The following FSD1L variants were observed in gnomAD, a reference collection of about 807,000 sequenced individuals.
FSD1L encodes the protein FSD1-like protein.
A neutral mutation model predicts 71.6 loss-of-function variants in FSD1L; 45 were observed. The observed-to-expected ratio is 0.63, with a 90% CI of 0.49 to 0.81. FSD1L has a LOEUF of 0.81. FSD1L is among the 30% of genes least tolerant of loss of function. The pLI, the probability that FSD1L is intolerant of heterozygous loss-of-function variation, is 0.00. For missense variants in FSD1L, 561 were observed against 618.1 expected (o/e 0.91, Z 0.98); for synonymous variants, 197 against 207.2 (o/e 0.95, Z 0.42).
intron 10 of FSD1L, chr9:105,523,068 G>A: frequency 6.2e-7 from 1 of 1,614,194 alleles, no homozygotes. Flanking sequence ...TACGTCCTCT[G>A]CTGATGTGGA....
chr9:105,452,628 CGCCTGCCTGCCTGCCTGCCT>C lies in FSD1L; in HGVS notation c.15+4418_15+4437del, dbSNP rs530990124. 1.7e-3 allele frequency among the ~76,000 whole-genome samples: 216 copies of C among 124,456 alleles called. 1 individual carries two copies. Among genetic ancestry groups the C allele is most frequent in the Non-Finnish European group, 2.5e-3 (148 of 60,264 alleles). The allele number at this position is 124,456 out of a possible 152,430, so 81.6% of individuals were successfully genotyped here. The stretch of plus-strand genomic sequence containing the variant: ...TCCCTCCCTCCTGTGGGCGCTCGCT[CGCCTGCCTGCCTGCCTGCCT>C]GCCTGCCTGCCTGCCTGCCTGCCTT... On this transcript the variant is annotated intron_variant, in intron 1 of 13. Transcript: ENST00000481272.
chr9:105,484,133 C>G (rs901806783), intron 6 of FSD1L, among the ~76,000 whole-genome samples: 3 of 152,104 alleles, frequency 2.0e-5, no homozygotes, highest in Middle Eastern at 3.4e-3. Flanking sequence ...CATATATATG[C>G]AATTTAATAA....
At chr9:105,543,076 G>T (rs1836732648) in intron 13 of FSD1L, among the ~76,000 whole-genome samples, 1 of 152,076 alleles carries the variant, frequency 6.6e-6, no homozygotes, top group Non-Finnish European at 1.5e-5. Flanking sequence ...TAATCAGAAA[G>T]TTGCTTTTGT....
chr9:105,495,548 C>G (rs1004134517), intron 7 of FSD1L, among the ~76,000 whole-genome samples: 10 of 152,206 alleles, frequency 6.6e-5, no homozygotes, highest in Non-Finnish European at 1.2e-4. Context: ...GTGAGATGAA[C>G]CCGGTACCTC....
intron 1 of FSD1L, among the ~76,000 whole-genome samples, chr9:105,458,226 G>A (rs1166672526): frequency 2.6e-5 from 4 of 152,188 alleles, no homozygotes; most frequent in Admixed American, 1.3e-4. Flanking sequence ...AGGGAATCCC[G>A]AGGTCTAGGC....
intron 7 of FSD1L, among the ~76,000 whole-genome samples, chr9:105,490,587 A>G (rs926260132): frequency 6.2e-5 from 9 of 146,232 alleles, no homozygotes; most frequent in African/African-American, 2.0e-4. Flanking sequence ...GCCCATGCCT[A>G]TGTCCTGAAT....
At chr9:105,494,609 G>GT (rs1443948743) in intron 7 of FSD1L, among the ~76,000 whole-genome samples, 3 of 152,122 alleles carry the variant, frequency 2.0e-5, no homozygotes, top group Admixed American at 6.6e-5. Flanking sequence ...TTTCTGTTCT[G>GT]TTTTTTCCCC....
At chr9:105,444,163 C>G (rs188992243), upstream of FSD1L, among the ~76,000 whole-genome samples, 3 of 152,230 alleles carry the variant, frequency 2.0e-5, no homozygotes, top group African/African-American at 7.2e-5. Context: ...GGAAAAAGAG[C>G]TGTGCAAGGG....
At chr9:105,492,881 C>T (rs373191942) in intron 7 of FSD1L, among the ~76,000 whole-genome samples, 2 of 152,088 alleles carry the variant, frequency 1.3e-5, no homozygotes, top group South Asian at 2.1e-4. Flanking sequence ...GTTATAATTT[C>T]TGATATTTTA....
Position 105,481,776 on chromosome 9 carries a change from A to AT in FSD1L, c.464+2414dup, listed in dbSNP as rs200208077. Among the ~76,000 whole-genome samples the AT allele has an allele frequency of 3.5e-3, 501 of 143,884 alleles. 1 individual carries two copies. The highest frequency in any genetic ancestry group is 6.4e-3 in the African/African-American group (252 of 39,434). 94.4% of individuals were successfully genotyped at this position (143,884 alleles called of 152,430 possible). A position where few individuals can be genotyped will look rare whatever the true frequency, so the allele number is the denominator to read the frequency against. On this transcript the variant is annotated intron_variant, in intron 6 of 13. Transcript: ENST00000481272. ...GCTATTTTCACCAAGCAAAGAAAGGATTTTTTTTTTTTTTGGGTCAGGGTC... is the reference window on the plus strand; with the variant it reads ...GCTATTTTCACCAAGCAAAGAAAGGATTTTTTTTTTTTTTTGGGTCAGGGTC...
intron 4 of FSD1L, among the ~76,000 whole-genome samples, chr9:105,471,677 T>A (rs1831469898): frequency 6.7e-6 from 1 of 148,740 alleles, no homozygotes; most frequent in African/African-American, 2.5e-5. Context: ...TACAAAGTAT[T>A]AAGATAATTA....
At chr9:105,485,427 C>T (rs953811405) in intron 7 of FSD1L, among the ~76,000 whole-genome samples, 4 of 152,022 alleles carry the variant, frequency 2.6e-5, no homozygotes, top group African/African-American at 9.7e-5. Flanking sequence ...ACCTAATCAC[C>T]TCTTAAAGGC....
At chr9:105,510,505 A>G (rs1834331368) in intron 9 of FSD1L, among the ~76,000 whole-genome samples, 1 of 152,192 alleles carries the variant, frequency 6.6e-6, no homozygotes, top group Non-Finnish European at 1.5e-5. Flanking sequence ...ACCAGTAGAA[A>G]TTAGGGTATG....
chr9:105,543,485 C>T (rs977859559), intron 13 of FSD1L, among the ~76,000 whole-genome samples: 9 of 151,896 alleles, frequency 5.9e-5, no homozygotes, highest in African/African-American at 2.2e-4. Flanking sequence ...GCACAACGTG[C>T]AGGTTTGTTA....
At chr9:105,530,412 TACTTA>T (rs893590556) in intron 10 of FSD1L, 16 of 499,194 alleles carry the variant, frequency 3.2e-5, no homozygotes, top group Admixed American at 1.2e-4. Flanking sequence ...GAGTTTTCCT[TACTTA>T]ACTTTTCTCT....
chr9:105,453,466 G>A (rs975425688), intron 1 of FSD1L, among the ~76,000 whole-genome samples: 5 of 152,010 alleles, frequency 3.3e-5, no homozygotes, highest in African/African-American at 9.7e-5. Context: ...GAGACACTGC[G>A]CCTGGCCTAA....
intron 10 of FSD1L, among the ~76,000 whole-genome samples, chr9:105,514,625 A>C (rs1814366185): frequency 6.6e-6 from 1 of 152,216 alleles, no homozygotes. Context: ...TGAGGTGGTT[A>C]GGTAGGATAG....
chr9:105,509,057 T>C (rs901327019), intron 9 of FSD1L, among the ~76,000 whole-genome samples: 2 of 152,226 alleles, frequency 1.3e-5, no homozygotes, highest in African/African-American at 4.8e-5. Context: ...TGAATCAATA[T>C]TGGGGAAGTA....
chr9:105,507,363 C>T (rs952182610), intron 8 of FSD1L, among the ~76,000 whole-genome samples: 2 of 152,186 alleles, frequency 1.3e-5, no homozygotes, highest in Admixed American at 1.3e-4. Flanking sequence ...GCTTATTACG[C>T]ATGAGGAGTA....
Sources: allele counts gnomAD v4.1 joint callset (sites outside exome capture counted in the v4.1 genomes callset), GRCh38; gene constraint gnomAD v4.1.1; transcripts MANE v1.5; gene names NCBI Gene and HGNC (gene_info 2026-07-23, HGNC 2026-07-21).